SI: variants seen among roughly 807,000 people sequenced by gnomAD.
The protein encoded by SI is sucrase-isomaltase.
SI carries 235 observed loss-of-function variants against 253.3 expected under a neutral mutation model. The observed-to-expected ratio is 0.93, with a 90% CI of 0.83 to 1.03. The LOEUF (loss-of-function observed/expected upper bound fraction) is 1.03, where lower values mean the gene tolerates loss of function less well. SI is among the 50% of genes least tolerant of loss of function. The probability of loss-of-function intolerance (pLI) is 0.00; values close to 1 mark genes in which losing one functional copy is unlikely to be tolerated. For synonymous variants in SI, 819 were observed against 712.0 expected (o/e 1.15, Z -2.39); for missense variants, 2,442 against 2,211.1 (o/e 1.10, Z -2.09).
intron 39 of SI, 23 bp from the exon 40 acceptor site, chr3:164,996,674 G>A (rs760145273): frequency 1.5e-6 from 2 of 1,378,416 alleles, no homozygotes; most frequent in Admixed American, 1.7e-5. Context: ...GTTATATTTA[G>A]TTAAATTTGA....
intron 34 of SI, 122 bp from the exon 35 acceptor site, chr3:165,009,517 T>C (rs1718673104): frequency 1.5e-6 from 1 of 687,462 alleles, no homozygotes; most frequent in Admixed American, 2.2e-5. Context: ...GAAATTGACA[T>C]CAATCTTAAT....
intron 27 of SI, among the ~76,000 whole-genome samples, chr3:165,020,716 T>A (rs960576556): frequency 2.0e-5 from 3 of 151,550 alleles, no homozygotes; most frequent in Non-Finnish European, 4.4e-5. Flanking sequence ...AGTTTATAGA[T>A]CTTTTGAATA....
chr3:165,065,352 T>C lies in SI; in HGVS notation c.716A>G (p.Tyr239Cys). ...ISTRLPSDYIYGIGEQVHKRF... is the reference protein window; with the variant it reads ...ISTRLPSDYICGIGEQVHKRF... Reference sequence around the variant, plus strand: ...CTTATGAACTTGTTCTCCAATACCATAAATATAATCACTTGGAAGACGGGT... The same window carrying C: ...CTTATGAACTTGTTCTCCAATACCACAAATATAATCACTTGGAAGACGGGT... The change falls in exon 7 of 48, where the codon TAT (tyrosine) becomes TGT (cysteine). Residue 239 changes from tyrosine to cysteine, a missense_variant. Tyr to Cys is a radical substitution (Grantham distance 194). Transcript: ENST00000264382. 6.3e-7 allele frequency: 1 copy of C among 1,595,280 alleles called. No individual in the cohort carries two copies. The highest frequency in any genetic ancestry group is 8.6e-7 in the Non-Finnish European group (1 of 1,164,806).
At chr3:165,074,082 T>C (rs1490221385) in intron 3 of SI, among the ~76,000 whole-genome samples, 1 of 152,120 alleles carries the variant, frequency 6.6e-6, no homozygotes, top group East Asian at 1.9e-4. Context: ...TTTTCTCTTC[T>C]TCACTTCTAA....
At chr3:165,056,091 G>A (rs1713681818) in intron 12 of SI, among the ~76,000 whole-genome samples, 1 of 151,986 alleles carries the variant, frequency 6.6e-6, no homozygotes, top group Non-Finnish European at 1.5e-5. Flanking sequence ...CATTAGGCAA[G>A]GAGAATTTAA....
chr3:165,017,881 T>C lies in SI; in HGVS notation c.3521-8A>G. On this transcript the variant is annotated splice_region_variant and splice_polypyrimidine_tract_variant and intron_variant, in intron 29 of 47. Transcript: ENST00000264382. ...TTGGCTGGAATGTAACATCTGGAAA[T>C]CCAAAATAACATCCCATTTTCATCT... 1 of 1,604,978 alleles carries C rather than the reference T, an allele frequency of 6.2e-7. No individual in the cohort carries two copies. The highest frequency in any genetic ancestry group is 1.3e-5 in the African/African-American group (1 of 74,756).
Position 165,030,818 on chromosome 3 carries a change from A to T in SI, c.2786T>A (p.Val929Asp). ...TTCTGAGAAAATTTGATTCCATTGA[A>T]CACTAAAGTTTCTTCCAAGATTAAG... ...LKLNLGRNFS[V>D]QWNQIFSENE... The change falls in exon 25 of 48, where the codon GTT becomes GAT. Residue 929 changes from valine (V) to aspartate (D), a missense_variant. Transcript: ENST00000264382. 1 of 1,605,586 alleles carries T rather than the reference A, an allele frequency of 6.2e-7. No homozygotes were observed. Among genetic ancestry groups the T allele is most frequent in the African/African-American group, 1.3e-5 (1 of 74,282 alleles).
Position 165,039,132 on chromosome 3 carries a change from T to A in SI, c.2247A>T (p.Gly749=), listed in dbSNP as rs375788888. Reference sequence around the variant, plus strand: ...GGATGTAGGCACTCACAGTATCTGCTCCCTAAAATAAAGATAATATGTATT... The same window carrying A: ...GGATGTAGGCACTCACAGTATCTGCACCCTAAAATAAAGATAATATGTATT... ...ALLITPVLKQ[G]ADTVSAYIPD... is the part of the protein sequence containing the mutation. Residue 749 remains glycine (G), a splice_region_variant and synonymous_variant, in exon 20 of 48, where the codon GGA becomes GGT. Transcript: ENST00000264382. 3.2e-6 allele frequency: 5 copies of A among 1,576,418 alleles called. No individual in the cohort carries two copies. The African/African-American group carries it at 5.4e-5, about 17-fold the overall frequency.
At chr3:165,061,913 T>G (rs1309858702) in intron 9 of SI, among the ~76,000 whole-genome samples, 1 of 151,964 alleles carries the variant, frequency 6.6e-6, no homozygotes, top group Non-Finnish European at 1.5e-5. Flanking sequence ...AGAGCCAATT[T>G]TCCTGGAGTT....
At chr3:165,007,442 C>T (rs1342292786) in intron 36 of SI, among the ~76,000 whole-genome samples, 1 of 151,974 alleles carries the variant, frequency 6.6e-6, no homozygotes, top group East Asian at 1.9e-4. Flanking sequence ...TCATTTCCTT[C>T]TATGTCAAAG....
At chr3:164,979,676 A>C (rs1031445227) in intron 47 of SI, among the ~76,000 whole-genome samples, 1 of 151,614 alleles carries the variant, frequency 6.6e-6, no homozygotes, top group African/African-American at 2.4e-5. Flanking sequence ...ATACTGAAAA[A>C]CCCAAAACTC....
intron 37 of SI, among the ~76,000 whole-genome samples, chr3:165,002,465 T>C (rs1029567564): frequency 7.2e-5 from 11 of 151,766 alleles, no homozygotes; most frequent in Admixed American, 2.6e-4. Flanking sequence ...TTGTTTCATG[T>C]TAAGTGAAAG....
At chr3:165,081,464 T>C (rs1715320672), upstream of SI, among the ~76,000 whole-genome samples, 1 of 151,934 alleles carries the variant, frequency 6.6e-6, no homozygotes, top group Non-Finnish European at 1.5e-5. Context: ...ATTTCAAACA[T>C]ATGGTAGTTA....
In SI at chr3:165,060,027, G is replaced by A; in HGVS notation, c.1021C>T (p.Leu341Phe). 3 of 1,610,806 alleles carry A rather than the reference G, an allele frequency of 1.9e-6. No homozygotes were observed. The highest frequency in any genetic ancestry group is 1.7e-6 in the Non-Finnish European group (2 of 1,177,872). ...GCTGGCATTGCTGGTAGTCCAACAA[G>A]CTTAAAGTAAATGAGCATGTAATTA... The part of the protein sequence containing the change: ...PEQVVQQYQQ[L>F]VGLPAMPAYW... Residue 341 changes from leucine to phenylalanine, a missense_variant and splice_region_variant, in exon 10 of 48, where the codon CTT becomes TTT. By Grantham distance (22) the Leu-to-Phe change is conservative (BLOSUM62 0). Transcript: ENST00000264382.
intron 3 of SI, among the ~76,000 whole-genome samples, chr3:165,072,019 A>T (rs1714608014): frequency 6.6e-6 from 1 of 152,158 alleles, no homozygotes; most frequent in South Asian, 2.1e-4. Context: ...GCAATAAGCA[A>T]ACATGTCCTT....
At chr3:165,025,557 T>C (rs1242309569) in intron 25 of SI, among the ~76,000 whole-genome samples, 2 of 151,206 alleles carry the variant, frequency 1.3e-5, no homozygotes, top group South Asian at 2.1e-4. Context: ...TGTCAGGTTA[T>C]CTAAAGTTAA....
At chr3:165,008,685 A>C (rs2108158456) in intron 35 of SI, among the ~76,000 whole-genome samples, 1 of 152,144 alleles carries the variant, frequency 6.6e-6, no homozygotes, top group South Asian at 2.1e-4. Context: ...ACAGCTGTAT[A>C]AAGCTTTTTT....
At chr3:165,082,468 G>A (rs1715368273), upstream of SI, among the ~76,000 whole-genome samples, 2 of 151,912 alleles carry the variant, frequency 1.3e-5, no homozygotes, top group African/African-American at 4.8e-5. Flanking sequence ...GTAGTCCAAT[G>A]ATACTTAATG....
intron 23 of SI, 152 bp from the exon 24 acceptor site, chr3:165,032,844 T>C: frequency 1.8e-6 from 1 of 549,542 alleles, no homozygotes; most frequent in Non-Finnish European, 3.2e-6. Flanking sequence ...AATATACTCA[T>C]TAATATCTAT....
Sources: allele counts gnomAD v4.1 joint callset (sites outside exome capture counted in the v4.1 genomes callset), GRCh38; gene constraint gnomAD v4.1.1; transcripts MANE v1.5; gene names NCBI Gene and HGNC (gene_info 2026-07-23, HGNC 2026-07-21).